STARD6: variants seen among roughly 807,000 people sequenced by gnomAD.
STARD6 encodes StAR related lipid transfer domain containing 6, also known as stAR-related lipid transfer protein 6.
STARD6 carries 21 observed loss-of-function variants against 22.3 expected under a neutral mutation model. The ratio of observed to expected loss-of-function variants is 0.94; its 90% confidence interval spans 0.67 to 1.35. The LOEUF is 1.35. STARD6 is among the 40% of genes most tolerant of loss of function. STARD6 has a pLI of 0.00. For synonymous variants in STARD6, 80 were observed against 88.1 expected (o/e 0.91, Z 0.52); for missense variants, 269 against 266.9 (o/e 1.01, Z -0.05).
Position 54,329,344 on chromosome 18 carries a change from T to A in STARD6, c.479+3A>T, listed in dbSNP as rs368301276. ...AAAATAAATAAGTGCAAACAACACT[T>A]ACTCTTCCATTGGTGAACATACAAA... On this transcript the variant is annotated splice_donor_region_variant and intron_variant, in intron 7 of 7. Coordinates refer to ENST00000307844, the MANE Select transcript of STARD6 (RefSeq NM_139171.2). 62 of 1,576,502 alleles carry A rather than the reference T, an allele frequency of 3.9e-5. No individual in the cohort carries two copies. In the African/African-American group the frequency reaches 6.9e-4, roughly 18 times the overall value.
chr18:54,324,991 T>C, intron 7 of STARD6, 116 bp from the exon 8 acceptor site: 1 of 777,522 alleles, frequency 1.3e-6, no homozygotes, highest in Non-Finnish European at 1.8e-6. Flanking sequence ...TACTTAAAAA[T>C]TGTACTTAAA....
intron 2 of STARD6, 143 bp from the exon 3 acceptor site, chr18:54,354,720 A>C: frequency 1.7e-6 from 1 of 601,852 alleles, no homozygotes; most frequent in Non-Finnish European, 2.9e-6. Flanking sequence ...TGTATGCATG[A>C]ACCCCTCTCT....
chr18:54,341,670 CAAA>C (rs2088970667), intron 4 of STARD6, among the ~76,000 whole-genome samples: 1 of 152,004 alleles, frequency 6.6e-6, no homozygotes, highest in African/African-American at 2.4e-5. Flanking sequence ...ACCAGTAAGT[CAAA>C]GAAGAAAAAT....
chr18:54,334,039 A>G (rs1202200164), intron 5 of STARD6, among the ~76,000 whole-genome samples: 1 of 152,216 alleles, frequency 6.6e-6, no homozygotes, highest in Non-Finnish European at 1.5e-5. Flanking sequence ...TATACATACC[A>G]TGAATTCACC....
chr18:54,348,823 G>A (rs749158637), intron 4 of STARD6, among the ~76,000 whole-genome samples: 1 of 152,080 alleles, frequency 6.6e-6, no homozygotes, highest in Non-Finnish European at 1.5e-5. Context: ...AATGCTTAAA[G>A]CTAACCACAA....
chr18:54,340,892 G>A (rs1230401918), intron 4 of STARD6, among the ~76,000 whole-genome samples: 1 of 152,058 alleles, frequency 6.6e-6, no homozygotes, highest in East Asian at 1.9e-4. Flanking sequence ...GAGATAAAGA[G>A]GGATATATTA....
intron 5 of STARD6, 134 bp from the exon 6 acceptor site, chr18:54,331,993 G>A (rs566757926): frequency 1.7e-5 from 9 of 544,530 alleles, no homozygotes; most frequent in South Asian, 6.7e-5. Context: ...TTAAGATCTC[G>A]TCACCAAATC....
chr18:54,333,380 C>T lies in STARD6; in HGVS notation c.268-1521G>A, dbSNP rs779666393. On this transcript the variant is annotated intron_variant, in intron 5 of 7. Coordinates refer to ENST00000307844, the MANE Select transcript of STARD6 (RefSeq NM_139171.2). ...AGGAGAATGGCGTGAACCTGGGAGG[C>T]GGAGCTTGCAGTGAGCCGAGATTGT... Among the ~76,000 whole-genome samples, 29 of 151,992 alleles carry T rather than the reference C, an allele frequency of 1.9e-4. 1 individual carries two copies. Among genetic ancestry groups the T allele is most frequent in the Non-Finnish European group, 7.4e-5 (5 of 68,010 alleles).
chr18:54,353,439 C>G (rs2089115446), intron 4 of STARD6, among the ~76,000 whole-genome samples: 1 of 152,224 alleles, frequency 6.6e-6, no homozygotes. Flanking sequence ...GAAGCCAAGA[C>G]AGGCAGATCG....
At chr18:54,352,836 C>G (rs2089110441) in intron 4 of STARD6, among the ~76,000 whole-genome samples, 1 of 152,170 alleles carries the variant, frequency 6.6e-6, no homozygotes, top group Non-Finnish European at 1.5e-5. Flanking sequence ...TACTTGTAGA[C>G]TAAATAAATA....
At position 54,324,655 on chromosome 18, in the gene STARD6, AT is replaced by A; in HGVS notation, c.*36del. The A allele has an allele frequency of 6.2e-7, 1 of 1,600,954 alleles. No individual in the cohort carries two copies. The highest frequency in any genetic ancestry group is 8.5e-7 in the Non-Finnish European group (1 of 1,171,086). The stretch of plus-strand genomic sequence containing the variant: ...TAAACAGCAATAACTACTACACATG[AT>A]TTTATAGCAGAACGGCCTCATTTCT... On this transcript the variant is annotated 3_prime_UTR_variant, in exon 8 of 8. Coordinates refer to ENST00000307844, the MANE Select transcript of STARD6 (RefSeq NM_139171.2).
intron 6 of STARD6, among the ~76,000 whole-genome samples, chr18:54,329,954 T>G (rs973353330): frequency 1.3e-5 from 2 of 151,888 alleles, no homozygotes; most frequent in Non-Finnish European, 2.9e-5. Context: ...CCTTCTGCAA[T>G]TCCCTGTAGC....
At chr18:54,338,548 G>T (rs1309153917) in intron 4 of STARD6, among the ~76,000 whole-genome samples, 3 of 151,796 alleles carry the variant, frequency 2.0e-5, no homozygotes, top group Admixed American at 1.3e-4. Context: ...ATGAACAAAT[G>T]ACCAAACAAA....
At chr18:54,343,837 C>G (rs1384041426) in intron 4 of STARD6, among the ~76,000 whole-genome samples, 1 of 61,964 alleles carries the variant, frequency 1.6e-5, no homozygotes, top group Admixed American at 1.2e-4. Context: ...TCTGCCCGGC[C>G]GCCCCTACTG....
At position 54,335,954 on chromosome 18, in the gene STARD6, C is replaced by A. The variant is rs144044418; in HGVS notation, c.267+1171G>T. Among the ~76,000 whole-genome samples the A allele has an allele frequency of 4.2e-3, 637 of 152,274 alleles. 8 individuals are homozygous for A. The highest frequency in any genetic ancestry group is 0.015 in the African/African-American group (620 of 41,556). ...ATAAATTACCCAGTCTCAGGTAGTT[C>A]TTTAGAGCAGTGTGAAAACAGACTA... is the stretch of plus-strand genomic sequence containing the variant. On this transcript the variant is annotated intron_variant, in intron 5 of 7. Transcript: ENST00000307844.
intron 7 of STARD6, among the ~76,000 whole-genome samples, chr18:54,326,399 T>C (rs1010397905): frequency 6.7e-6 from 1 of 149,348 alleles, no homozygotes; most frequent in Non-Finnish European, 1.5e-5. Flanking sequence ...TGGAGTGATC[T>C]GGGATCACTG....
At chr18:54,335,471 G>C (rs2144673175) in intron 5 of STARD6, among the ~76,000 whole-genome samples, 1 of 152,140 alleles carries the variant, frequency 6.6e-6, no homozygotes, top group Middle Eastern at 3.4e-3. Context: ...TGGGATTACA[G>C]GTGTGAGCCA....
intron 4 of STARD6, among the ~76,000 whole-genome samples, chr18:54,351,864 A>AT (rs34153202): frequency 0.1 from 9,257 of 89,384 alleles, 356 homozygotes; most frequent in African/African-American, 0.16. Context: ...TTTGTTGAGG[A>AT]TTTTTGCATT....
In STARD6 at chr18:54,324,865, A is replaced by T. The variant is rs1266970319; in HGVS notation, c.490T>A (p.Tyr164Asn). Residue 164 changes from tyrosine (Y) to asparagine (N), a missense_variant, in exon 8 of 8, where the codon TAT becomes AAT. Coordinates refer to ENST00000307844, the MANE Select transcript of STARD6 (RefSeq NM_139171.2). Reference sequence around the variant, plus strand: ...TGGACAAACATCACTAGTTTGGAATATGCTGGGTTTCTGTAAGCAAAAGAA... The same window carrying T: ...TGGACAAACATCACTAGTTTGGAATTTGCTGGGTTTCTGTAAGCAAAAGAA... ...VCSPMEENPA[Y>N]SKLVMFVQTE... The T allele has an allele frequency of 1.9e-6, 3 of 1,542,680 alleles. No individual in the cohort carries two copies. Among genetic ancestry groups the T allele is most frequent in the Middle Eastern group, 1.8e-4 (1 of 5,460 alleles).
Sources: allele counts gnomAD v4.1 joint callset (sites outside exome capture counted in the v4.1 genomes callset), GRCh38; gene constraint gnomAD v4.1.1; transcripts MANE v1.5; gene names NCBI Gene and HGNC (gene_info 2026-07-23, HGNC 2026-07-21).